The following WDR33 variants were observed in gnomAD, a reference collection of about 807,000 sequenced individuals.
WDR33 encodes the protein pre-mRNA 3' end processing protein WDR33.
In WDR33, 47 loss-of-function variants were observed where a neutral mutation model predicts 164.9. That is an observed-to-expected ratio of 0.29 (90% CI 0.23 to 0.36). WDR33 has a LOEUF of 0.36. Among genes scored for constraint, WDR33 ranks in the 10% least tolerant of loss-of-function variants. WDR33 has a pLI of 1.00. For synonymous variants in WDR33, 505 were observed against 589.0 expected (o/e 0.86, Z 2.06); for missense variants, 1,137 against 1,754.1 (o/e 0.65, Z 6.28).
Position 127,763,969 on chromosome 2 carries a change from A to T in WDR33, c.627-810T>A. 1.0e-6 allele frequency: 1 copy of T among 985,854 alleles called. No homozygotes were observed. The highest frequency in any genetic ancestry group is 1.2e-6 in the Non-Finnish European group (1 of 830,270). The allele number at this position is 985,854 out of a possible 1,614,324, so 61.1% of individuals were successfully genotyped here. Reference sequence around the variant, plus strand: ...TCCAACAATTTCTGTTAAGATTCTGAAAGTATGAACAAATGACTACAGTGG... The same window carrying T: ...TCCAACAATTTCTGTTAAGATTCTGTAAGTATGAACAAATGACTACAGTGG... On this transcript the variant is annotated intron_variant, in intron 6 of 21. Transcript: ENST00000322313. The surrounding 1 kb of genome is among the most constrained non-coding windows in gnomAD (Gnocchi z 4.5).
chr2:127,745,007 C>T (rs1046172086), intron 7 of WDR33, among the ~76,000 whole-genome samples: 3 of 152,088 alleles, frequency 2.0e-5, no homozygotes, highest in East Asian at 1.9e-4. Context: ...AGCCAGGTTG[C>T]GAGATCCCCA....
intron 1 of WDR33, among the ~76,000 whole-genome samples, chr2:127,797,469 G>GT (rs1689079671): frequency 6.6e-6 from 1 of 152,042 alleles, no homozygotes. Context: ...TCCACCCTGG[G>GT]TGACAGAACA....
intron 7 of WDR33, among the ~76,000 whole-genome samples, chr2:127,744,660 T>C (rs575337849): frequency 7.2e-5 from 11 of 152,292 alleles, no homozygotes; most frequent in African/African-American, 2.6e-4. Context: ...TTTATGAATG[T>C]TTATTACCTT....
In WDR33 at chr2:127,701,782, T is replaced by G; in HGVS notation, c.*4541A>C. 1 of 1,437,358 alleles carries G rather than the reference T, an allele frequency of 7.0e-7. No individual in the cohort carries two copies. The highest frequency in any genetic ancestry group is 9.1e-7 in the Non-Finnish European group (1 of 1,096,256). 89.0% of individuals were successfully genotyped at this position (1,437,358 alleles called of 1,614,324 possible). ...CTGGCGGCGGGCGGCGGGTGCCTGC[T>G]GCTGGCTGCACTGTGTTTCGGCCTA... On this transcript the variant is annotated 3_prime_UTR_variant, in exon 22 of 22. Coordinates refer to ENST00000322313, the MANE Select transcript of WDR33 (RefSeq NM_018383.5).
Position 127,719,835 on chromosome 2 carries a change from G to A in WDR33, c.2190C>T (p.Gly730=), listed in dbSNP as rs528369566. 2 of 1,613,258 alleles carry A rather than the reference G, an allele frequency of 1.2e-6. No individual in the cohort carries two copies. The highest frequency in any genetic ancestry group is 2.2e-5 in the East Asian group (1 of 44,864). The change falls in exon 16 of 22, where the codon GGC becomes GGT. Residue 730 remains glycine, a synonymous_variant. Coordinates refer to ENST00000322313, the MANE Select transcript of WDR33 (RefSeq NM_018383.5). This position sits in a 1 kb window ranked among gnomAD's most constrained non-coding sequence, Gnocchi z 6.5. Reference sequence around the variant, plus strand: ...CTTGAGTACCCGGAGGCCCCTGTGGGCCCAAGTGACCCTGAGGGCCAGGCG... The same window carrying A: ...CTTGAGTACCCGGAGGCCCCTGTGGACCCAAGTGACCCTGAGGGCCAGGCG... ...QGPPGPQGHL[G]PQGPPGTQGM...
chr2:127,742,972 G>C (rs928026737), intron 7 of WDR33, among the ~76,000 whole-genome samples: 1 of 151,868 alleles, frequency 6.6e-6, no homozygotes, highest in Non-Finnish European at 1.5e-5. Context: ...GATTATATTT[G>C]AGTTATCAGT....
intron 1 of WDR33, among the ~76,000 whole-genome samples, chr2:127,785,161 C>G (rs1191351476): frequency 6.6e-6 from 1 of 151,940 alleles, no homozygotes; most frequent in Non-Finnish European, 1.5e-5. Flanking sequence ...TTTCTATGGT[C>G]TTTGTTATTT....
chr2:127,795,946 T>C (rs1689024059), intron 1 of WDR33, among the ~76,000 whole-genome samples: 1 of 151,898 alleles, frequency 6.6e-6, no homozygotes, highest in Admixed American at 6.6e-5. Flanking sequence ...CTTGATGGAA[T>C]GTTAGTTCTT....
chr2:127,735,651 C>T lies in WDR33; in HGVS notation c.725-8874G>A, dbSNP rs910975685. On this transcript the variant is annotated intron_variant, in intron 7 of 21. Transcript: ENST00000322313. The surrounding 1 kb of genome is among the most constrained non-coding windows in gnomAD (Gnocchi z 4.3). ...CTCAGGCTACTTCTAGCCACAAGAA[C>T]ATAAAATGTAACAGATCAGTTTAAG... 1 of 985,764 alleles carries T rather than the reference C, an allele frequency of 1.0e-6. No individual in the cohort carries two copies. 61.1% of individuals were successfully genotyped at this position (985,764 alleles called of 1,614,324 possible). A position where few individuals can be genotyped will look rare whatever the true frequency, so the allele number is the denominator to read the frequency against.
chr2:127,748,604 C>T (rs1484545487), intron 7 of WDR33, among the ~76,000 whole-genome samples: 1 of 152,050 alleles, frequency 6.6e-6, no homozygotes, highest in East Asian at 1.9e-4. Context: ...AGAGAATAAG[C>T]AGGAGTTAAT....
chr2:127,702,028 T>G lies in WDR33; in HGVS notation c.*4295A>C. ...GCCGCGCTGGGCCTTCGCAGCACGC[T>G]GCTCACGGTGCTGGGCGCGGGCGCG... On this transcript the variant is annotated 3_prime_UTR_variant, in exon 22 of 22. Transcript: ENST00000322313. 1 of 1,286,236 alleles carries G rather than the reference T, an allele frequency of 7.8e-7. No individual in the cohort carries two copies. The highest frequency in any genetic ancestry group is 2.2e-5 in the South Asian group (1 of 45,504). 79.7% of individuals were successfully genotyped at this position (1,286,236 alleles called of 1,614,324 possible).
rs189280554 is a variant in WDR33, at chr2:127,703,960, A to G, written c.*2363T>C. ...CAGTTAAACCCCATCGCCACAGAAA[A>G]TCTTCAAAAAATTTGCCAGATATGG... On this transcript the variant is annotated 3_prime_UTR_variant, in exon 22 of 22. Coordinates refer to ENST00000322313, the MANE Select transcript of WDR33 (RefSeq NM_018383.5). 2.4e-5 allele frequency: 4 copies of G among 166,872 alleles called. No homozygotes were observed. Among genetic ancestry groups the G allele is most frequent in the South Asian group, 2.1e-4 (1 of 4,816 alleles). The allele number at this position is 166,872 out of a possible 1,614,324, so 10.3% of individuals were successfully genotyped here.
chr2:127,777,152 G>T (rs982449652), intron 1 of WDR33, among the ~76,000 whole-genome samples: 20 of 152,166 alleles, frequency 1.3e-4, no homozygotes, highest in African/African-American at 4.6e-4. Context: ...AAATTGCTAA[G>T]GACAAGAATC....
intron 7 of WDR33, among the ~76,000 whole-genome samples, chr2:127,746,819 ATTC>A (rs1199900549): frequency 1.3e-5 from 2 of 152,216 alleles, no homozygotes; most frequent in Non-Finnish European, 2.9e-5. Context: ...ATTACACTAT[ATTC>A]TTCTATCATT....
At chr2:127,796,583 C>G (rs1171049623) in intron 1 of WDR33, among the ~76,000 whole-genome samples, 1 of 151,966 alleles carries the variant, frequency 6.6e-6, no homozygotes, top group African/African-American at 2.4e-5. Context: ...GGGCTCTTTC[C>G]CAGCATACAT....
At chr2:127,711,751 G>GATAGATAGATATATATATATATATAT (rs1157627935) in intron 18 of WDR33, among the ~76,000 whole-genome samples, 1 of 71,636 alleles carries the variant, frequency 1.4e-5, no homozygotes, top group African/African-American at 9.9e-5. Flanking sequence ...CACATATACA[G>GATAGATAGATATATATATATATATAT]ATATATATAT....
At chr2:127,747,739 G>C (rs1687206432) in intron 7 of WDR33, among the ~76,000 whole-genome samples, 1 of 152,128 alleles carries the variant, frequency 6.6e-6, no homozygotes. Context: ...ATTTCAGCTG[G>C]TTCCAACCTG....
intron 7 of WDR33, chr2:127,762,771 G>A (rs1480118580): frequency 6.1e-6 from 7 of 1,147,922 alleles, no homozygotes; most frequent in Non-Finnish European, 7.5e-6. Context: ...CTGGCTACAA[G>A]GAAGGAAAAG....
rs1685880881 is a variant in WDR33 at position 127,701,605 on chromosome 2, T to G, written c.*4718A>C. 6.7e-6 allele frequency: 9 copies of G among 1,348,344 alleles called. No individual in the cohort carries two copies. Among genetic ancestry groups the G allele is most frequent in the Non-Finnish European group, 8.6e-6 (9 of 1,051,862 alleles). The allele number at this position is 1,348,344 out of a possible 1,614,324, so 83.5% of individuals were successfully genotyped here. ...GGCGGCCCGGCGGCCGCGGAGCCGC[T>G]GCTCGCCGCGGAGAAGGCGGAGGAG... is the stretch of plus-strand genomic sequence containing the variant. On this transcript the variant is annotated 3_prime_UTR_variant, in exon 22 of 22. Transcript: ENST00000322313.
Sources: gnomAD v4.1 joint callset for allele counts (sites outside exome capture counted in the v4.1 genomes callset) on GRCh38, gnomAD v4.1.1 for gene constraint, Gnocchi (gnomAD v3.1) non-coding constraint, MANE v1.5 for transcripts, NCBI Gene and HGNC (gene_info 2026-07-23, HGNC 2026-07-21) for gene names.